Variants in MTA1 observed in about 807,000 individuals in gnomAD.
MTA1 encodes the protein metastasis associated 1, also known as metastasis-associated protein MTA1.
Under a neutral mutation model 97.0 loss-of-function variants are expected in MTA1, and 15 were observed. That is an observed-to-expected ratio of 0.15 (90% CI 0.10 to 0.24). The LOEUF (loss-of-function observed/expected upper bound fraction) is 0.24, where lower values mean the gene tolerates loss of function less well. Among genes scored for constraint, MTA1 ranks in the 10% least tolerant of loss-of-function variants. MTA1 has a pLI of 1.00. For synonymous variants in MTA1, 435 were observed against 417.5 expected, an observed-to-expected ratio of 1.04 and a Z score of -0.51; for missense variants, 709 against 1,015.1, an observed-to-expected ratio of 0.70 and a Z score of 4.10.
chr14:105,454,467 C>CGT (rs2141609251), intron 7 of MTA1, among the ~76,000 whole-genome samples, 157 bp downstream of exon 7: 1 of 152,248 alleles, frequency 6.6e-6, no homozygotes, highest in South Asian at 2.1e-4. Flanking sequence ...ATGGGTGATG[C>CGT]GTGTAGGCTG....
At chr14:105,428,235 C>T (rs2082071335) in intron 1 of MTA1, among the ~76,000 whole-genome samples, 1 of 152,102 alleles carries the variant, frequency 6.6e-6, no homozygotes, top group Non-Finnish European at 1.5e-5. Context: ...TGCCGTTTTG[C>T]CTTGTCCAGA....
intron 1 of MTA1, 110 bp from the exon 2 acceptor site, chr14:105,438,562 T>G: frequency 1.1e-6 from 1 of 888,774 alleles, no homozygotes; most frequent in Non-Finnish European, 1.9e-6. Flanking sequence ...GGAGCAGAGG[T>G]GAGGGGATGA....
intron 1 of MTA1, among the ~76,000 whole-genome samples, chr14:105,434,721 G>A (rs2082280575): frequency 6.6e-6 from 1 of 151,972 alleles, no homozygotes; most frequent in South Asian, 2.1e-4. Context: ...GGCTGGTCTT[G>A]AACTCCCAAC....
intron 7 of MTA1, 78 bp from the exon 8 acceptor site, chr14:105,458,192 C>A: frequency 4.7e-6 from 6 of 1,268,608 alleles, no homozygotes; most frequent in Non-Finnish European, 6.8e-6. Flanking sequence ...CCAGCAGCTC[C>A]CCGCACCCGG....
chr14:105,425,977 G>A (rs1302494550), intron 1 of MTA1, among the ~76,000 whole-genome samples: 4 of 152,122 alleles, frequency 2.6e-5, no homozygotes, highest in African/African-American at 9.7e-5. Flanking sequence ...CCGCCCGGCA[G>A]CCTCCCTGGG....
chr14:105,466,589 C>CCCCCGCCCGGTGAGTGTGGCCCT lies in MTA1; in HGVS notation c.1777+27_1777+49dup. On this transcript the variant is annotated intron_variant, in intron 17 of 20. Transcript: ENST00000331320. ...ACAACGGGGTGGACGGTGAGTGGCC[C>CCCCCGCCCGGTGAGTGTGGCCCT]CCCCGCCCGGTGAGTGTGGCCCTCC... 6 of 1,567,230 alleles carry CCCCCGCCCGGTGAGTGTGGCCCT rather than the reference C, an allele frequency of 3.8e-6. No homozygotes were observed. The highest frequency in any genetic ancestry group is 2.3e-5 in the South Asian group (2 of 85,506).
intron 10 of MTA1, among the ~76,000 whole-genome samples, chr14:105,461,333 C>T (rs12588793): frequency 6.6e-6 from 1 of 152,238 alleles, no homozygotes; most frequent in African/African-American, 2.4e-5. Context: ...AGCTGAACCT[C>T]TTGACTCCTC....
chr14:105,451,638 G>A (rs1430033347), intron 6 of MTA1, among the ~76,000 whole-genome samples: 3 of 152,212 alleles, frequency 2.0e-5, no homozygotes, highest in Non-Finnish European at 4.4e-5. Context: ...GGAAGCAGCA[G>A]GTGCAGTGAC....
At position 105,450,192 on chromosome 14, in the gene MTA1, C is replaced by G. The variant is rs369984812; in HGVS notation, c.368+8C>G. 3.3e-4 allele frequency: 536 copies of G among 1,612,634 alleles called. No individual in the cohort carries two copies. Among genetic ancestry groups the G allele is most frequent in the Non-Finnish European group, 4.3e-4 (509 of 1,179,648 alleles). On this transcript the variant is annotated splice_region_variant and intron_variant, in intron 5 of 20. Transcript: ENST00000331320. The stretch of plus-strand genomic sequence containing the variant: ...GCCCGCCACGCACATCAGGTAGCCC[C>G]CAGCAGCTCCCGCCCTGGGCCCCTC...
At chr14:105,435,720 G>A (rs1281824803) in intron 1 of MTA1, among the ~76,000 whole-genome samples, 4 of 152,296 alleles carry the variant, frequency 2.6e-5, no homozygotes, top group East Asian at 1.9e-4. Context: ...TTGTATTTCC[G>A]TAGTATGGAT....
intron 1 of MTA1, among the ~76,000 whole-genome samples, chr14:105,421,664 G>A (rs1458501323): frequency 1.3e-5 from 2 of 152,214 alleles, no homozygotes; most frequent in Non-Finnish European, 2.9e-5. Flanking sequence ...ACCTTCCCAT[G>A]CCTCGGTTTC....
At chr14:105,421,677 C>A (rs1184821107) in intron 1 of MTA1, among the ~76,000 whole-genome samples, 1 of 152,250 alleles carries the variant, frequency 6.6e-6, no homozygotes, top group Non-Finnish European at 1.5e-5. Flanking sequence ...TCGGTTTCCC[C>A]ATGGTGTGGG....
Position 105,449,410 on chromosome 14 carries a change from G to A in MTA1, c.241+1G>A. Reference sequence around the variant, plus strand: ...CCGGGGGCGGACAACGGCGAGGAAGGTAAGAGCCGGCCTCCGCAAGGAGGG... The same window carrying A: ...CCGGGGGCGGACAACGGCGAGGAAGATAAGAGCCGGCCTCCGCAAGGAGGG... On this transcript the variant is annotated splice_donor_variant, in intron 4 of 20. Transcript: ENST00000331320. LOFTEE classifies it high-confidence loss of function. 6.2e-7 allele frequency: 1 copy of A among 1,611,396 alleles called. No individual in the cohort carries two copies. Among genetic ancestry groups the A allele is most frequent in the Non-Finnish European group, 8.5e-7 (1 of 1,179,136 alleles).
intron 7 of MTA1, among the ~76,000 whole-genome samples, chr14:105,455,091 A>G (rs1308666823): frequency 6.6e-6 from 1 of 151,986 alleles, no homozygotes; most frequent in Non-Finnish European, 1.5e-5. Context: ...TTTTTATTAG[A>G]GACAGGGTTT....
At chr14:105,466,641 G>T in intron 17 of MTA1, 63 bp downstream of exon 17, 1 of 1,586,794 alleles carries the variant, frequency 6.3e-7, no homozygotes, top group Non-Finnish European at 8.6e-7. Context: ...GCCCGTCCCC[G>T]CCCGGGCACC....
chr14:105,441,748 C>G (rs191751518), intron 2 of MTA1, among the ~76,000 whole-genome samples: 33 of 152,206 alleles, frequency 2.2e-4, no homozygotes, highest in Middle Eastern at 6.8e-3. Context: ...GAGCCGAGAT[C>G]CCGCCACTAC....
In MTA1 at chr14:105,419,891, G is replaced by C. The variant is rs2081765840; in HGVS notation, c.-145G>C. On this transcript the variant is annotated 5_prime_UTR_variant, in exon 1 of 21. Coordinates refer to ENST00000331320, the MANE Select transcript of MTA1 (RefSeq NM_004689.4). ...GCGCGGCCTCGGCGGCCTCGGCGGC[G>C]GCGGCGGCGGCGGCGGCGGCAGCAG... 9.7e-6 allele frequency: 2 copies of C among 206,730 alleles called. No individual in the cohort carries two copies. The highest frequency in any genetic ancestry group is 1.5e-4 in the South Asian group (1 of 6,658). 12.8% of individuals were successfully genotyped at this position (206,730 alleles called of 1,614,324 possible).
At position 105,420,288 on chromosome 14, in the gene MTA1, G is replaced by T. The variant is rs1231189019; in HGVS notation, c.28+225G>T. On this transcript the variant is annotated intron_variant, in intron 1 of 20. Coordinates refer to ENST00000331320, the MANE Select transcript of MTA1 (RefSeq NM_004689.4). The surrounding 1 kb of genome is among the most constrained non-coding windows in gnomAD (Gnocchi z 5.3). ...GGGCGGGGCTCGGCGGCCCGGGGGTGGGGGGCGGCCCACCTGTTGGGGCCG... is the reference window on the plus strand; with the variant it reads ...GGGCGGGGCTCGGCGGCCCGGGGGTTGGGGGCGGCCCACCTGTTGGGGCCG... Among the ~76,000 whole-genome samples the T allele has an allele frequency of 2.7e-5, 4 of 149,742 alleles. No homozygotes were observed. Among genetic ancestry groups the T allele is most frequent in the East Asian group, 1.9e-4 (1 of 5,140 alleles).
At chr14:105,457,059 C>A (rs189776447) in intron 7 of MTA1, among the ~76,000 whole-genome samples, 1 of 152,254 alleles carries the variant, frequency 6.6e-6, no homozygotes, top group African/African-American at 2.4e-5. Flanking sequence ...TGCAGCCGGG[C>A]GCCCCAGTGG....
Sources: gnomAD v4.1 joint callset for allele counts (sites outside exome capture counted in the v4.1 genomes callset) on GRCh38, gnomAD v4.1.1 for gene constraint, Gnocchi (gnomAD v3.1) non-coding constraint, MANE v1.5 for transcripts, NCBI Gene and HGNC (gene_info 2026-07-23, HGNC 2026-07-21) for gene names.